ABCA13: variants seen among roughly 807,000 people sequenced by gnomAD.
ABCA13 encodes ATP-binding cassette sub-family A member 13.
ABCA13 carries 476 observed loss-of-function variants against 478.7 expected under a neutral mutation model. That is an observed-to-expected ratio of 0.99 (90% CI 0.92 to 1.07). The LOEUF is 1.07. Among genes scored for constraint, ABCA13 ranks in the 50% least tolerant of loss-of-function variants. The pLI is 0.00. For synonymous variants in ABCA13, 2,252 were observed against 2,158.9 expected (o/e 1.04, Z -1.20); for missense variants, 6,060 against 5,910.6 (o/e 1.03, Z -0.83).
chr7:48,643,806 C>T (rs145051946), intron 60 of ABCA13, among the ~76,000 whole-genome samples: 57 of 152,304 alleles, frequency 3.7e-4, no homozygotes, highest in African/African-American at 1.3e-3. Context: ...TCACAATCCT[C>T]TATAAACTTG....
chr7:48,338,348 A>T lies in ABCA13; in HGVS notation c.10114-17A>T, dbSNP rs140689948. Reference sequence around the variant, plus strand: ...ATAATGCAATTATTTTTATTAAGCTATATTATTTTTCTTTAGGAGGCCCTG... The same window carrying T: ...ATAATGCAATTATTTTTATTAAGCTTTATTATTTTTCTTTAGGAGGCCCTG... On this transcript the variant is annotated splice_polypyrimidine_tract_variant and intron_variant, in intron 28 of 61. Transcript: ENST00000435803. 1.9e-4 allele frequency: 294 copies of T among 1,521,516 alleles called. 2 individuals carry two copies. The East Asian group carries it at 6.7e-3, about 35-fold the overall frequency. 94.3% of individuals were successfully genotyped at this position (1,521,516 alleles called of 1,614,324 possible).
intron 27 of ABCA13, among the ~76,000 whole-genome samples, chr7:48,330,219 A>G (rs966315102): frequency 1.3e-5 from 2 of 151,468 alleles, no homozygotes; most frequent in African/African-American, 2.4e-5. Flanking sequence ...CCATTTATCT[A>G]TTCATCCATT....
chr7:48,632,313 A>G (rs372483364), intron 59 of ABCA13, among the ~76,000 whole-genome samples: 4 of 152,126 alleles, frequency 2.6e-5, no homozygotes, highest in Non-Finnish European at 5.9e-5. Flanking sequence ...ATCTATATCT[A>G]TCTTCTGGAT....
rs537862784 is a variant in ABCA13 at position 48,529,273 on chromosome 7, A to G, written c.14354+928A>G. 2.6e-5 allele frequency among the ~76,000 whole-genome samples: 4 copies of G among 152,306 alleles called. No individual in the cohort carries two copies. The South Asian group carries it at 6.2e-4, about 24-fold the overall frequency. ...CAAACTGGGCTCAATATCACAAACT[A>G]AAATCTTAGACCTTTAATTTCATAG... On this transcript the variant is annotated intron_variant, in intron 55 of 61. Coordinates refer to ENST00000435803, the MANE Select transcript of ABCA13 (RefSeq NM_152701.5).
At chr7:48,251,989 A>T (rs1034746575) in intron 15 of ABCA13, among the ~76,000 whole-genome samples, 1 of 152,150 alleles carries the variant, frequency 6.6e-6, no homozygotes, top group East Asian at 1.9e-4. Flanking sequence ...TTTCATTATG[A>T]GGTGGCTTCG....
chr7:48,599,445 G>A (rs1030465719), intron 58 of ABCA13, among the ~76,000 whole-genome samples: 3 of 151,450 alleles, frequency 2.0e-5, no homozygotes, highest in African/African-American at 7.3e-5. Context: ...TTCTTTTTAT[G>A]TAGCAGATAT....
intron 38 of ABCA13, among the ~76,000 whole-genome samples, chr7:48,402,548 T>C (rs1056385650): frequency 1.3e-5 from 2 of 152,224 alleles, no homozygotes; most frequent in Non-Finnish European, 2.9e-5. Context: ...AAATGCACTA[T>C]AAGACTTGGA....
chr7:48,354,423 G>T (rs1484294988), intron 31 of ABCA13, among the ~76,000 whole-genome samples: 1 of 152,016 alleles, frequency 6.6e-6, no homozygotes, highest in Non-Finnish European at 1.5e-5. Flanking sequence ...TGAGTAATCA[G>T]TTTTCAATTC....
intron 59 of ABCA13, among the ~76,000 whole-genome samples, chr7:48,636,522 A>G (rs1014393851): frequency 2.0e-5 from 3 of 152,144 alleles, no homozygotes; most frequent in Non-Finnish European, 4.4e-5. Context: ...CAAGGGTTCT[A>G]TGAACTCCTG....
In ABCA13 at chr7:48,611,568, C is replaced by T. The variant is rs369764791; in HGVS notation, c.14745-3717C>T. Among the ~76,000 whole-genome samples, 7 of 152,254 alleles carry T rather than the reference C, an allele frequency of 4.6e-5. 1 individual carries two copies. The South Asian group carries it at 8.3e-4, about 18-fold the overall frequency. On this transcript the variant is annotated intron_variant, in intron 58 of 61. Transcript: ENST00000435803. The stretch of plus-strand genomic sequence containing the variant: ...GCAGAAGGCAAAGGGGCAGTGGGCA[C>T]GTCTTACATGGCCAGAGCAGGAGGA...
At position 48,507,978 on chromosome 7, in the gene ABCA13, G is replaced by C; in HGVS notation, c.13453G>C (p.Ala4485Pro). 2 of 1,613,862 alleles carry C rather than the reference G, an allele frequency of 1.2e-6. No homozygotes were observed. Among genetic ancestry groups the C allele is most frequent in the Non-Finnish European group, 1.7e-6 (2 of 1,179,834 alleles). ...SSVVRDRVIG[A>P]KRLQHISGLG... The stretch of plus-strand genomic sequence containing the variant: ...TGTGGTGAGGGACAGGGTGATTGGA[G>C]CCAAAAGGTTGCAGCACATAAGTGG... The change falls in exon 50 of 62, where the codon GCC becomes CCC. Residue 4485 changes from alanine (A) to proline (P), a missense_variant. Ala to Pro is a conservative substitution (Grantham distance 27). Around this residue, in one of 3 missense-constraint regions of ABCA13, gnomAD observed 1,627 missense variants for 1,571.0 expected, o/e 1.04. Coordinates refer to ENST00000435803, the MANE Select transcript of ABCA13 (RefSeq NM_152701.5).
rs1484146325 is a variant in ABCA13, at chr7:48,319,999, T to C, written c.9999+2703T>C. 2.0e-5 allele frequency among the ~76,000 whole-genome samples: 3 copies of C among 152,312 alleles called. No homozygotes were observed. In the East Asian group the frequency reaches 5.8e-4, roughly 29 times the overall value. ...ACCCATCCATATCCTTCCACAGAGCTGTGTGCACCTCCATCTATCAGCCTT... is the reference window on the plus strand; with the variant it reads ...ACCCATCCATATCCTTCCACAGAGCCGTGTGCACCTCCATCTATCAGCCTT... On this transcript the variant is annotated intron_variant, in intron 27 of 61. Coordinates refer to ENST00000435803, the MANE Select transcript of ABCA13 (RefSeq NM_152701.5).
At chr7:48,434,828 T>G (rs1280584240) in intron 42 of ABCA13, among the ~76,000 whole-genome samples, 1 of 151,922 alleles carries the variant, frequency 6.6e-6, no homozygotes, top group Non-Finnish European at 1.5e-5. Flanking sequence ...TGTGAACATT[T>G]TCTTCTGAGT....
intron 57 of ABCA13, among the ~76,000 whole-genome samples, chr7:48,589,145 C>T (rs972365006): frequency 2.0e-5 from 3 of 152,202 alleles, no homozygotes; most frequent in East Asian, 1.9e-4. Context: ...TACAGTTTGG[C>T]GAGATTTCTC....
intron 29 of ABCA13, among the ~76,000 whole-genome samples, chr7:48,338,688 G>T (rs1017323094): frequency 1.3e-5 from 2 of 152,164 alleles, no homozygotes; most frequent in African/African-American, 4.8e-5. Context: ...AACTAGTAAA[G>T]AACCTAGTTA....
intron 59 of ABCA13, among the ~76,000 whole-genome samples, chr7:48,635,990 T>G (rs2131662268): frequency 6.6e-6 from 1 of 152,280 alleles, no homozygotes; most frequent in Middle Eastern, 3.4e-3. Context: ...GCTAAATGCT[T>G]TCAAAGACAT....
chr7:48,519,387 C>T (rs979764162), intron 52 of ABCA13, among the ~76,000 whole-genome samples: 1 of 152,152 alleles, frequency 6.6e-6, no homozygotes. Context: ...ACACCATCTT[C>T]CACAGTGGTG....
chr7:48,634,374 G>T (rs921902662), intron 59 of ABCA13, among the ~76,000 whole-genome samples: 2 of 152,146 alleles, frequency 1.3e-5, no homozygotes, highest in African/African-American at 4.8e-5. Context: ...TGAAAAATTG[G>T]TATTATTTCT....
In ABCA13 at chr7:48,198,355, T is replaced by C. The variant is rs1364943723; in HGVS notation, c.282T>C (p.His94=). 6.2e-7 allele frequency: 1 copy of C among 1,613,450 alleles called. No homozygotes were observed. Among genetic ancestry groups the C allele is most frequent in the South Asian group, 1.1e-5 (1 of 90,896 alleles). The part of the protein sequence containing the change: ...NFSYEGSMEH[H]FRLSRFQTAA... ...GCTATGAAGGGTCAATGGAGCATCA[T>C]TTTCGGTAAGAGAAACACAAAGATC... Residue 94 remains histidine, a synonymous_variant, in exon 3 of 62, where the codon CAT becomes CAC. Transcript: ENST00000435803.
Sources: gnomAD v4.1 joint callset for allele counts (sites outside exome capture counted in the v4.1 genomes callset) on GRCh38, gnomAD v4.1.1 for gene constraint, gnomAD v4.1.1 regional missense constraint, MANE v1.5 for transcripts, NCBI Gene and HGNC (gene_info 2026-07-23, HGNC 2026-07-21) for gene names.